The following CEP112 variants were observed in gnomAD, a reference collection of about 807,000 sequenced individuals.
CEP112 encodes the protein centrosomal protein of 112 kDa.
In CEP112, 127 loss-of-function variants were observed where a neutral mutation model predicts 153.0. That is an observed-to-expected ratio of 0.83 (90% CI 0.72 to 0.96). The LOEUF (loss-of-function observed/expected upper bound fraction) is 0.96, where lower values mean the gene tolerates loss of function less well. Ranked by LOEUF, CEP112 falls within the 40% of genes least tolerant of loss-of-function variation. CEP112 has a pLI of 0.00. For synonymous variants in CEP112, 358 were observed against 374.4 expected (o/e 0.96, Z 0.51); for missense variants, 1,089 against 1,101.2 (o/e 0.99, Z 0.16).
At chr17:65,947,710 G>A (rs2061692249) in intron 18 of CEP112, among the ~76,000 whole-genome samples, 1 of 152,006 alleles carries the variant, frequency 6.6e-6, no homozygotes. Context: ...CTGTCATTTA[G>A]AATTCATTAA....
intron 20 of CEP112, among the ~76,000 whole-genome samples, chr17:65,857,209 C>T (rs2058151903): frequency 2.0e-5 from 3 of 152,124 alleles, no homozygotes; most frequent in African/African-American, 7.2e-5. Flanking sequence ...TCACTAAAGA[C>T]AGAAACTTTA....
At chr17:65,985,743 A>T (rs2063383308) in intron 17 of CEP112, among the ~76,000 whole-genome samples, 1 of 152,174 alleles carries the variant, frequency 6.6e-6, no homozygotes, top group Non-Finnish European at 1.5e-5. Context: ...GTAGAAAGCT[A>T]ACCGTGTTCC....
At chr17:65,952,137 A>G (rs1444652429) in intron 18 of CEP112, among the ~76,000 whole-genome samples, 3 of 152,152 alleles carry the variant, frequency 2.0e-5, no homozygotes, top group Non-Finnish European at 4.4e-5. Context: ...GTATCCAAGC[A>G]TATGGCTATC....
At position 65,676,323 on chromosome 17, in the gene CEP112, G is replaced by A. The variant is rs537835046; in HGVS notation, c.2697+12806C>T. ...AGCCTGGGTGAAAGAGTGAGACTCT[G>A]TCTTAAAAGAAAAAAAAAAAAAAGA... On this transcript the variant is annotated intron_variant, in intron 24 of 26. Transcript: ENST00000535342. Among the ~76,000 whole-genome samples, 610 of 126,594 alleles carry A rather than the reference G, an allele frequency of 4.8e-3. 10 individuals carry two copies. Among genetic ancestry groups the A allele is most frequent in the African/African-American group, 0.018 (585 of 32,544 alleles). The allele number at this position is 126,594 out of a possible 152,430, so 83.1% of individuals were successfully genotyped here. A position where few individuals can be genotyped will look rare whatever the true frequency, so the allele number is the denominator to read the frequency against.
chr17:66,112,316 C>G (rs1288239368), intron 6 of CEP112, among the ~76,000 whole-genome samples: 1 of 150,244 alleles, frequency 6.7e-6, no homozygotes, highest in Non-Finnish European at 1.5e-5. Flanking sequence ...ATTAAAAAAA[C>G]AATGAAAAAA....
At chr17:65,640,836 C>T (rs1484967270) in intron 25 of CEP112, 128 bp downstream of exon 25, 5 of 606,352 alleles carry the variant, frequency 8.2e-6, no homozygotes, top group Non-Finnish European at 1.5e-5. Context: ...GAAAATTTAT[C>T]CTGAGTAGTA....
chr17:65,666,940 T>C (rs533105816), intron 24 of CEP112, among the ~76,000 whole-genome samples: 4 of 152,322 alleles, frequency 2.6e-5, no homozygotes, highest in Admixed American at 2.0e-4. Flanking sequence ...TCTCTTTGGA[T>C]CCTTCAGGAT....
At chr17:65,688,225 A>T (rs151230110) in intron 24 of CEP112, 1 of 152,262 alleles carries the variant, frequency 6.6e-6, no homozygotes, top group Non-Finnish European at 1.5e-5. Context: ...AATTCAAAAG[A>T]AAATGTGATT....
chr17:66,067,084 A>G (rs1366570848), intron 9 of CEP112, among the ~76,000 whole-genome samples: 1 of 151,606 alleles, frequency 6.6e-6, no homozygotes, highest in Non-Finnish European at 1.5e-5. Flanking sequence ...CCACAGCTTT[A>G]CTGTCTGCTG....
At chr17:65,874,561 T>C (rs1377713372) in intron 20 of CEP112, among the ~76,000 whole-genome samples, 2 of 152,228 alleles carry the variant, frequency 1.3e-5, no homozygotes, top group African/African-American at 4.8e-5. Flanking sequence ...TGGCAAATTT[T>C]CTCTCTGAAA....
At chr17:65,659,384 C>T (rs9889724) in intron 24 of CEP112, among the ~76,000 whole-genome samples, 1,899 of 152,266 alleles carry the variant, frequency 0.012, 38 homozygotes, top group African/African-American at 0.043. Flanking sequence ...TAAACCTCTC[C>T]CTCAAAGTAC....
intron 23 of CEP112, among the ~76,000 whole-genome samples, chr17:65,692,663 G>C (rs2048168541): frequency 6.6e-6 from 1 of 152,142 alleles, no homozygotes; most frequent in African/African-American, 2.4e-5. Context: ...TCTGCTCAAT[G>C]ATGTAATTGC....
intron 20 of CEP112, among the ~76,000 whole-genome samples, chr17:65,885,658 T>C (rs563653926): frequency 6.6e-6 from 1 of 152,336 alleles, no homozygotes; most frequent in South Asian, 2.1e-4. Flanking sequence ...CTAATAGTCA[T>C]GAGACTGCTG....
chr17:66,150,833 T>C (rs1223923308), intron 4 of CEP112, among the ~76,000 whole-genome samples: 1 of 152,230 alleles, frequency 6.6e-6, no homozygotes, highest in Non-Finnish European at 1.5e-5. Flanking sequence ...TTCCCTTTGG[T>C]ACTATTAGTT....
chr17:65,760,301 A>G (rs554597362), intron 21 of CEP112, among the ~76,000 whole-genome samples: 1 of 152,078 alleles, frequency 6.6e-6, no homozygotes, highest in Non-Finnish European at 1.5e-5. Context: ...GTTAAAAAGG[A>G]GTGGTGAGAG....
chr17:66,185,926 C>T (rs1337794430), intron 1 of CEP112, among the ~76,000 whole-genome samples: 2 of 152,176 alleles, frequency 1.3e-5, no homozygotes, highest in Non-Finnish European at 2.9e-5. Flanking sequence ...AGAAAGTTCT[C>T]TCTACCCTGT....
intron 6 of CEP112, among the ~76,000 whole-genome samples, chr17:66,128,693 T>C (rs1245633174): frequency 1.3e-5 from 2 of 152,190 alleles, no homozygotes; most frequent in African/African-American, 4.8e-5. Flanking sequence ...GCAAAATTAC[T>C]TGTGTTAAAC....
intron 19 of CEP112, among the ~76,000 whole-genome samples, chr17:65,912,698 T>C (rs989534530): frequency 1.3e-5 from 2 of 152,164 alleles, no homozygotes; most frequent in Non-Finnish European, 2.9e-5. Flanking sequence ...TTTTTAAAAA[T>C]AAAGATGAAG....
intron 21 of CEP112, chr17:65,804,365 A>T (rs912936022): frequency 2.6e-5 from 4 of 152,162 alleles, no homozygotes; most frequent in Admixed American, 6.5e-5. Context: ...TCCATTTCAA[A>T]TGTAGATGAA....
Sources: gnomAD v4.1 joint callset for allele counts (sites outside exome capture counted in the v4.1 genomes callset) on GRCh38, gnomAD v4.1.1 for gene constraint, MANE v1.5 for transcripts, NCBI Gene and HGNC (gene_info 2026-07-23, HGNC 2026-07-21) for gene names.